NAV2: variants seen among roughly 807,000 people sequenced by gnomAD.
NAV2 encodes helicase, APC down-regulated 1.
In NAV2, 54 loss-of-function variants were observed where a neutral mutation model predicts 223.2. The ratio of observed to expected loss-of-function variants is 0.24; its 90% CI spans 0.19 to 0.30. The LOEUF is 0.30. Among genes scored for constraint, NAV2 ranks in the 10% least tolerant of loss-of-function variants. The pLI is 1.00. For synonymous variants in NAV2, 1,279 were observed against 1,239.3 expected, an observed-to-expected ratio of 1.03 and a Z score of -0.67; for missense variants, 2,806 against 3,147.5, an observed-to-expected ratio of 0.89 and a Z score of 2.60.
intron 1 of NAV2, among the ~76,000 whole-genome samples, chr11:19,705,345 C>T (rs895065117): frequency 2.6e-5 from 4 of 152,190 alleles, no homozygotes; most frequent in African/African-American, 9.7e-5. Flanking sequence ...TTTCCCTCTC[C>T]CTATTTGACC....
At chr11:20,109,883 G>A (rs1287770061) in intron 36 of NAV2, among the ~76,000 whole-genome samples, 2 of 152,262 alleles carry the variant, frequency 1.3e-5, no homozygotes, top group Non-Finnish European at 2.9e-5. Flanking sequence ...GCCTGTCTGT[G>A]CTCCAGCCTT....
At chr11:20,040,512 G>T (rs2056812390) in intron 12 of NAV2, among the ~76,000 whole-genome samples, 2 of 152,156 alleles carry the variant, frequency 1.3e-5, no homozygotes, top group Non-Finnish European at 2.9e-5. Context: ...CAAATGAGTG[G>T]CAGCACCGAA....
intron 25 of NAV2, chr11:20,082,585 C>G (rs2060159277): frequency 6.2e-7 from 1 of 1,613,902 alleles, no homozygotes; most frequent in Non-Finnish European, 8.5e-7. Context: ...TGCGTTTTCT[C>G]TGGCAGGTCA....
At chr11:20,059,148 C>T (rs1039777108) in intron 19 of NAV2, among the ~76,000 whole-genome samples, 1 of 151,918 alleles carries the variant, frequency 6.6e-6, no homozygotes, top group African/African-American at 2.4e-5. Context: ...TGTGATGCTT[C>T]CTTTGCTGGT....
intron 10 of NAV2, among the ~76,000 whole-genome samples, chr11:19,957,107 C>A (rs2047946226): frequency 6.6e-6 from 1 of 152,160 alleles, no homozygotes; most frequent in South Asian, 2.1e-4. Context: ...GCCCCTAATG[C>A]ACTGCCATCC....
intron 1 of NAV2, among the ~76,000 whole-genome samples, chr11:19,807,105 C>T (rs1365138694): frequency 1.3e-5 from 2 of 152,158 alleles, no homozygotes; most frequent in African/African-American, 4.8e-5. Context: ...GTGTGCATTG[C>T]GGACAAAGCC....
At position 20,045,577 on chromosome 11, in the gene NAV2, T is replaced by G. The variant is rs766867820; in HGVS notation, c.3809T>G (p.Val1270Gly). ...GTGGCTTCCTGTAACTCGGTGAAAG[T>G]GAATCCGGCAGCCCAGCCTGTGTCC... is the stretch of plus-strand genomic sequence containing the variant. Reference protein sequence around the residue: ...ESVASCNSVKVNPAAQPVSSP... With the variant: ...ESVASCNSVKGNPAAQPVSSP... Residue 1270 changes from valine (V) to glycine (G), a missense_variant, in exon 14 of 38, where the codon GTG becomes GGG. By Grantham distance (109) the Val-to-Gly change is moderately radical (BLOSUM62 -3). This residue lies in a region of NAV2 where 742 missense variants were observed against 777.9 expected (regional missense o/e 0.95). Transcript: ENST00000349880. The G allele has an allele frequency of 1.2e-6, 2 of 1,614,152 alleles. No individual in the cohort carries two copies. The highest frequency in any genetic ancestry group is 3.3e-5 in the Admixed American group (2 of 60,022).
chr11:20,033,060 G>C (rs569744824), intron 11 of NAV2, among the ~76,000 whole-genome samples: 43 of 152,348 alleles, frequency 2.8e-4, no homozygotes, highest in South Asian at 6.2e-4. Flanking sequence ...TGCTACAGAA[G>C]GCAGCATGAC....
chr11:19,568,070 G>T (rs548649553), intron 1 of NAV2, among the ~76,000 whole-genome samples: 1 of 152,238 alleles, frequency 6.6e-6, no homozygotes, highest in African/African-American at 2.4e-5. Flanking sequence ...CACAGTAGGT[G>T]CTCGGTAAAT....
intron 1 of NAV2, among the ~76,000 whole-genome samples, chr11:19,733,946 A>G (rs1590221597): frequency 6.6e-6 from 1 of 152,160 alleles, no homozygotes; most frequent in South Asian, 2.1e-4. Flanking sequence ...ACAAGCATGA[A>G]CTTGTTTAAT....
chr11:19,805,032 A>T (rs1355049214), intron 1 of NAV2, among the ~76,000 whole-genome samples: 1 of 152,198 alleles, frequency 6.6e-6, no homozygotes, highest in African/African-American at 2.4e-5. Context: ...GCAGTTCTTG[A>T]AAGTCAAGTT....
intron 11 of NAV2, among the ~76,000 whole-genome samples, chr11:20,026,577 C>T (rs1369185365): frequency 3.9e-5 from 6 of 152,066 alleles, no homozygotes; most frequent in Non-Finnish European, 8.8e-5. Flanking sequence ...CCCAAAGTGC[C>T]GGGATTACAG....
chr11:19,450,105 C>T (rs2133783205), intron 1 of NAV2, among the ~76,000 whole-genome samples: 1 of 152,308 alleles, frequency 6.6e-6, no homozygotes, highest in East Asian at 1.9e-4. Flanking sequence ...ACAACAGTGA[C>T]AGCCTGAACA....
Position 19,984,118 on chromosome 11 carries a change from T to G in NAV2, c.2646-7T>G, listed in dbSNP as rs751972825. On this transcript the variant is annotated splice_region_variant and splice_polypyrimidine_tract_variant and intron_variant, in intron 10 of 37. Transcript: ENST00000349880. ...TTCATGTGCATCATCTTCTTCTCCT[T>G]TTAAAGATACATGACTGATGGTGGA... The G allele has an allele frequency of 6.2e-7, 1 of 1,614,078 alleles. No homozygotes were observed. The highest frequency in any genetic ancestry group is 2.2e-5 in the East Asian group (1 of 44,868).
chr11:19,383,903 T>A lies in NAV2; in HGVS notation c.75+32876T>A, dbSNP rs951965881. 2.6e-5 allele frequency among the ~76,000 whole-genome samples: 4 copies of A among 152,324 alleles called. No homozygotes were observed. The South Asian group carries it at 8.3e-4, about 32-fold the overall frequency. On this transcript the variant is annotated intron_variant, in intron 1 of 37. Transcript: ENST00000360655. Reference sequence around the variant, plus strand: ...CTTCCAGGAATTTAGTCTAAGAAAATAATCTTGGATGCTCAAAGATTTAGC... The same window carrying A: ...CTTCCAGGAATTTAGTCTAAGAAAAAAATCTTGGATGCTCAAAGATTTAGC...
chr11:19,649,985 G>A (rs933245598), intron 1 of NAV2, among the ~76,000 whole-genome samples: 6 of 152,172 alleles, frequency 3.9e-5, no homozygotes, highest in Non-Finnish European at 8.8e-5. Flanking sequence ...TCTGTCGCTG[G>A]CAGGAATGTA....
At chr11:19,593,285 C>CT (rs1483524131) in intron 1 of NAV2, among the ~76,000 whole-genome samples, 2 of 152,160 alleles carry the variant, frequency 1.3e-5, no homozygotes, top group African/African-American at 2.4e-5. Context: ...TTTTTTCCCA[C>CT]TCAGCATAAT....
chr11:20,010,741 G>A (rs560305401), intron 11 of NAV2, among the ~76,000 whole-genome samples: 33 of 152,270 alleles, frequency 2.2e-4, no homozygotes, highest in African/African-American at 7.7e-4. Context: ...CTGTTTTATA[G>A]CATTGGCTAC....
Position 19,642,844 on chromosome 11 carries a change from A to G in NAV2, c.76-189640A>G, listed in dbSNP as rs141451628. Among the ~76,000 whole-genome samples, 788 of 152,276 alleles carry G rather than the reference A, an allele frequency of 5.2e-3. 6 individuals carry two copies. The highest frequency in any genetic ancestry group is 0.017 in the African/African-American group (698 of 41,542). ...GCTCCTGGGAAATGATTACCATGCT[A>G]TCAGCATGCACCAACCCTGTATTCA... is the stretch of plus-strand genomic sequence containing the variant. On this transcript the variant is annotated intron_variant, in intron 1 of 37. Coordinates refer to the NAV2 transcript ENST00000360655.
Sources: gnomAD v4.1 joint callset for allele counts (sites outside exome capture counted in the v4.1 genomes callset) on GRCh38, gnomAD v4.1.1 for gene constraint, gnomAD v4.1.1 regional missense constraint, MANE v1.5 for transcripts, NCBI Gene and HGNC (gene_info 2026-07-23, HGNC 2026-07-21) for gene names.